DNAH9: variants seen among roughly 807,000 people sequenced by gnomAD.
DNAH9 encodes the protein DNAH9 variant protein.
Under a neutral mutation model 471.6 loss-of-function variants are expected in DNAH9, and 345 were observed. The ratio of observed to expected loss-of-function variants is 0.73; its 90% CI spans 0.67 to 0.80. DNAH9 has a LOEUF of 0.80. Ranked by LOEUF, DNAH9 falls within the 30% of genes least tolerant of loss-of-function variation. The pLI is 0.00. For synonymous variants in DNAH9, 2,093 were observed against 2,123.6 expected (o/e 0.99, Z 0.40); for missense variants, 5,407 against 5,609.2 (o/e 0.96, Z 1.15).
At chr17:11,755,509 T>A (rs1192823630) in intron 33 of DNAH9, among the ~76,000 whole-genome samples, 1 of 152,206 alleles carries the variant, frequency 6.6e-6, no homozygotes, top group East Asian at 1.9e-4. Flanking sequence ...AGCAGGGTTT[T>A]GTAATTCTTT....
chr17:11,841,753 C>T (rs997176306), intron 49 of DNAH9, among the ~76,000 whole-genome samples: 6 of 152,016 alleles, frequency 3.9e-5, no homozygotes, highest in African/African-American at 1.4e-4. Context: ...GCTTTTTTAT[C>T]TTTGTAGCTA....
At position 11,689,846 on chromosome 17, in the gene DNAH9, C is replaced by T. The variant is rs112120719; in HGVS notation, c.4024C>T (p.His1342Tyr). The T allele has an allele frequency of 5.6e-6, 9 of 1,612,202 alleles. No homozygotes were observed. The highest frequency in any genetic ancestry group is 1.3e-5 in the African/African-American group (1 of 74,892). ...GTTGGAGTGCAAACAGTTTGCCCGG[C>T]ATATCCGAAACCTGGACAAGGAGGT... ...MELECKQFARHIRNLDKEVRA... is the reference protein window; with the variant it reads ...MELECKQFARYIRNLDKEVRA... The change falls in exon 20 of 69, where the codon CAT (histidine) becomes TAT (tyrosine). Residue 1342 changes from histidine (H) to tyrosine (Y), a missense_variant. By Grantham distance (83) the His-to-Tyr change is moderately conservative. Transcript: ENST00000262442.
chr17:11,734,501 G>A (rs992295622), intron 28 of DNAH9, among the ~76,000 whole-genome samples: 1 of 152,194 alleles, frequency 6.6e-6, no homozygotes, highest in African/African-American at 2.4e-5. Context: ...GGAAAACACC[G>A]CTGAGGACTG....
intron 32 of DNAH9, among the ~76,000 whole-genome samples, chr17:11,748,886 C>T (rs1030823139): frequency 6.6e-6 from 1 of 152,046 alleles, no homozygotes; most frequent in Non-Finnish European, 1.5e-5. Context: ...GGGTCAAACT[C>T]TCTGGATTTC....
intron 22 of DNAH9, among the ~76,000 whole-genome samples, chr17:11,698,392 TTA>T (rs56992368): frequency 0.77 from 109,418 of 141,888 alleles, 42,675 homozygotes; most frequent in East Asian, 0.9. Flanking sequence ...ATTATATATT[TTA>T]TATATATATA....
At position 11,719,143 on chromosome 17, in the gene DNAH9, C is replaced by T. The variant is rs12945440; in HGVS notation, c.5553-191C>T. The stretch of plus-strand genomic sequence containing the variant: ...CTGTCAGGGAGCCTCTGATGCCCTG[C>T]ATGGAGGGAGCACTGTGATGAGCTT... On this transcript the variant is annotated intron_variant, in intron 26 of 68. Coordinates refer to ENST00000262442, the MANE Select transcript of DNAH9 (RefSeq NM_001372.4). Among the ~76,000 whole-genome samples the T allele has an allele frequency of 0.88, 133,253 of 152,064 alleles. 60,360 individuals carry two copies. Among genetic ancestry groups the T allele is most frequent in the Non-Finnish European group, 0.99 (67,008 of 67,994 alleles).
intron 32 of DNAH9, among the ~76,000 whole-genome samples, chr17:11,748,176 A>G (rs796073475): frequency 0.085 from 10,138 of 118,586 alleles, 554 homozygotes; most frequent in Non-Finnish European, 0.12. Flanking sequence ...AAAAAAAAAA[A>G]ATCAGCTGGG....
At chr17:11,920,422 ACCAG>A (rs1043381708) in intron 61 of DNAH9, among the ~76,000 whole-genome samples, 9 of 151,328 alleles carry the variant, frequency 5.9e-5, no homozygotes, top group African/African-American at 2.2e-4. Flanking sequence ...GGAGTTTGAG[ACCAG>A]CCTGTCTAAC....
Position 11,886,844 on chromosome 17 carries a change from C to T in DNAH9, c.10991C>T (p.Thr3664Ile), listed in dbSNP as rs138874996. 1.2e-6 allele frequency: 2 copies of T among 1,612,000 alleles called. No homozygotes were observed. Among genetic ancestry groups the T allele is most frequent in the East Asian group, 2.2e-5 (1 of 44,818 alleles). Residue 3664 changes from threonine to isoleucine, a missense_variant, in exon 57 of 69, where the codon ACT becomes ATT. Thr to Ile is a moderately conservative substitution (Grantham distance 89). Coordinates refer to ENST00000262442, the MANE Select transcript of DNAH9 (RefSeq NM_001372.4). ...VEKKVQEAKV[T>I]EVKINEAREH... The stretch of plus-strand genomic sequence containing the variant: ...CAACAGGTCCAGGAGGCCAAGGTGA[C>T]TGAAGTGAAAATCAACGAGGCCCGA...
rs1975234195 is a variant in DNAH9, at chr17:11,948,536, G to A, written c.12843+6051G>A. Reference sequence around the variant, plus strand: ...TGAGCCACCGCACCCGGCCTCCTCTGGCTCTTTATTCTGATGCACTGTGTG... The same window carrying A: ...TGAGCCACCGCACCCGGCCTCCTCTAGCTCTTTATTCTGATGCACTGTGTG... On this transcript the variant is annotated intron_variant, in intron 67 of 68. Transcript: ENST00000262442. Among the ~76,000 whole-genome samples the A allele has an allele frequency of 2.6e-5, 4 of 152,048 alleles. No individual in the cohort carries two copies. In the South Asian group the frequency reaches 8.3e-4, roughly 32 times the overall value.
intron 55 of DNAH9, chr17:11,883,256 T>C (rs1597786494): frequency 9.6e-7 from 1 of 1,039,864 alleles, no homozygotes; most frequent in African/African-American, 1.7e-5. Context: ...CCTAACCCTC[T>C]AGTTACACAA....
chr17:11,622,425 C>G (rs746131317), intron 6 of DNAH9, among the ~76,000 whole-genome samples: 1 of 152,178 alleles, frequency 6.6e-6, no homozygotes, highest in Non-Finnish European at 1.5e-5. Context: ...CTCCTGCACT[C>G]TGTATTCCTC....
intron 14 of DNAH9, among the ~76,000 whole-genome samples, chr17:11,653,927 C>T (rs1198846038): frequency 6.6e-6 from 1 of 152,118 alleles, no homozygotes; most frequent in Non-Finnish European, 1.5e-5. Flanking sequence ...TTCACCCATC[C>T]ATCCATCAGC....
intron 55 of DNAH9, chr17:11,882,837 T>C: frequency 1.4e-6 from 1 of 705,636 alleles, no homozygotes; most frequent in Non-Finnish European, 1.7e-6. Context: ...GTAAAGCCTC[T>C]GGGCATAGAG....
rs750555175 is a variant in DNAH9, at chr17:11,652,963, C to T, written c.2556C>T (p.Leu852=). The change falls in exon 14 of 69, where the codon CTC becomes CTT. Residue 852 remains leucine (L), a synonymous_variant. Transcript: ENST00000262442. ...ATCGAATGGAAAAATATTACAATCT[C>T]ATCAAGGAATCTGGCCTTAAGATCC... ...RHDRMEKYYN[L]IKESGLKIHA... 1.4e-5 allele frequency: 22 copies of T among 1,614,052 alleles called. No homozygotes were observed. The highest frequency in any genetic ancestry group is 5.0e-5 in the Admixed American group (3 of 60,022).
chr17:11,601,003 T>C (rs1165936784), intron 1 of DNAH9, among the ~76,000 whole-genome samples: 1 of 152,200 alleles, frequency 6.6e-6, no homozygotes, highest in African/African-American at 2.4e-5. Context: ...CATTCTACTT[T>C]CTGTTCCTAT....
At chr17:11,793,920 T>G (rs986150096) in intron 42 of DNAH9, among the ~76,000 whole-genome samples, 11 of 152,008 alleles carry the variant, frequency 7.2e-5, no homozygotes, top group Non-Finnish European at 1.5e-4. Flanking sequence ...CTTAGTCCCC[T>G]AGCAGCATTT....
At chr17:11,908,310 T>C (rs2151017704) in intron 61 of DNAH9, among the ~76,000 whole-genome samples, 1 of 152,342 alleles carries the variant, frequency 6.6e-6, no homozygotes, top group East Asian at 1.9e-4. Flanking sequence ...AAACAAATTT[T>C]TTAATTGACA....
At chr17:11,822,676 G>A in intron 47 of DNAH9, 77 bp downstream of exon 47, 2 of 1,596,220 alleles carry the variant, frequency 1.3e-6, no homozygotes. Flanking sequence ...AGGATGTTAG[G>A]GTTAAAGATC....
Sources: allele counts gnomAD v4.1 joint callset (sites outside exome capture counted in the v4.1 genomes callset), GRCh38; gene constraint gnomAD v4.1.1; transcripts MANE v1.5; gene names NCBI Gene and HGNC (gene_info 2026-07-23, HGNC 2026-07-21).